SLC7A10: variants seen among roughly 807,000 people sequenced by gnomAD.
The protein encoded by SLC7A10 is solute carrier family 7 member 10.
SLC7A10 carries 30 observed loss-of-function variants against 52.7 expected under a neutral mutation model. That is an observed-to-expected ratio of 0.57 (90% CI 0.43 to 0.77). The LOEUF is 0.77. SLC7A10 is among the 30% of genes least tolerant of loss of function. SLC7A10 has a pLI of 0.00. For synonymous variants in SLC7A10, 318 were observed against 314.9 expected (o/e 1.01, Z -0.10); for missense variants, 581 against 698.5 (o/e 0.83, Z 1.90).
At position 33,222,455 on chromosome 19, in the gene SLC7A10, A is replaced by AAAAT. The variant is rs1395889479; in HGVS notation, c.151+3094_151+3097dup. 3.3e-3 allele frequency among the ~76,000 whole-genome samples: 430 copies of AAAAT among 132,302 alleles called. 4 individuals carry two copies. The highest frequency in any genetic ancestry group is 0.011 in the African/African-American group (382 of 34,960). The allele number at this position is 132,302 out of a possible 152,430, so 86.8% of individuals were successfully genotyped here. ...TAAAATAAAATAAAATAAATAAAAT[A>AAAAT]AAATAAAATAAATAAAATAAAATAA... On this transcript the variant is annotated intron_variant, in intron 1 of 10. Coordinates refer to ENST00000253188, the MANE Select transcript of SLC7A10 (RefSeq NM_019849.3).
chr19:33,210,713 A>T lies in SLC7A10; in HGVS notation c.1113+89T>A, dbSNP rs1234207923. 4.4e-6 allele frequency: 7 copies of T among 1,608,288 alleles called. No individual in the cohort carries two copies. The African/African-American group carries it at 8.0e-5, about 18-fold the overall frequency. On this transcript the variant is annotated intron_variant, in intron 8 of 10. Coordinates refer to ENST00000253188, the MANE Select transcript of SLC7A10 (RefSeq NM_019849.3). This position sits in a 1 kb window ranked among gnomAD's most constrained non-coding sequence, Gnocchi z 5.6. The stretch of plus-strand genomic sequence containing the variant: ...CCCCACCCCCAACCCCCACCCTGGA[A>T]TGGCTCACCCCTGCCATTACCCGGA...
chr19:33,209,526 C>G lies in SLC7A10; in HGVS notation c.1264-41G>C, dbSNP rs751670426. 4.4e-6 allele frequency: 7 copies of G among 1,606,672 alleles called. No individual in the cohort carries two copies. The East Asian group carries it at 1.6e-4, about 36-fold the overall frequency. Reference sequence around the variant, plus strand: ...CAGAAACACCGATGGTGCAGGGCCTCCAGCTGTCTGTACCCCCGACCCCTG... The same window carrying G: ...CAGAAACACCGATGGTGCAGGGCCTGCAGCTGTCTGTACCCCCGACCCCTG... On this transcript the variant is annotated intron_variant, in intron 9 of 10. Transcript: ENST00000253188.
intron 10 of SLC7A10, 58 bp downstream of exon 10, chr19:33,209,250 G>A: frequency 1.2e-6 from 2 of 1,606,922 alleles, no homozygotes; most frequent in Non-Finnish European, 1.7e-6. Flanking sequence ...CTAAGAGGGA[G>A]GTCTGGTCTC....
At chr19:33,219,422 G>A (rs1007261551) in intron 1 of SLC7A10, among the ~76,000 whole-genome samples, 2 of 152,224 alleles carry the variant, frequency 1.3e-5, no homozygotes, top group Admixed American at 6.5e-5. Context: ...AGGTCGAGTC[G>A]CAGAGTGAGC....
At chr19:33,216,684 C>T (rs922450843) in intron 1 of SLC7A10, among the ~76,000 whole-genome samples, 1 of 152,156 alleles carries the variant, frequency 6.6e-6, no homozygotes, top group Non-Finnish European at 1.5e-5. Flanking sequence ...AAGCAATTCT[C>T]CTGCCTCAGC....
At chr19:33,215,651 T>TCCAGCCCCCACACCTTCTCTCCAC in intron 2 of SLC7A10, 118 bp downstream of exon 2, 1 of 599,324 alleles carries the variant, frequency 1.7e-6, no homozygotes, top group Non-Finnish European at 2.3e-6. Context: ...CTTCTCTCCA[T>TCCAGCCCCCACACCTTCTCTCCAC]CCACCCCCAC....
rs1348624845 is a variant in SLC7A10 at position 33,210,718 on chromosome 19, TCACC to T, written c.1113+80_1113+83del. On this transcript the variant is annotated intron_variant, in intron 8 of 10. Coordinates refer to ENST00000253188, the MANE Select transcript of SLC7A10 (RefSeq NM_019849.3). This position sits in a 1 kb window ranked among gnomAD's most constrained non-coding sequence, Gnocchi z 5.6. ...CCCCCAACCCCCACCCTGGAATGGC[TCACC>T]CCTGCCATTACCCGGAAGGTCCTGC... 7 of 1,600,740 alleles carry T rather than the reference TCACC, an allele frequency of 4.4e-6. No homozygotes were observed. In the African/African-American group the frequency reaches 8.1e-5, roughly 18 times the overall value.
In SLC7A10 at chr19:33,217,155, G is replaced by A. The variant is rs545444090; in HGVS notation, c.152-1182C>T. On this transcript the variant is annotated intron_variant, in intron 1 of 10. Transcript: ENST00000253188. Reference sequence around the variant, plus strand: ...GATTCCCAAAGTGCTAGGATTACAGGTGAGTGCCACCACACCCGGCTAATC... The same window carrying A: ...GATTCCCAAAGTGCTAGGATTACAGATGAGTGCCACCACACCCGGCTAATC... 1.5e-4 allele frequency among the ~76,000 whole-genome samples: 23 copies of A among 151,872 alleles called. No individual in the cohort carries two copies. In the East Asian group the frequency reaches 4.1e-3, roughly 27 times the overall value.
chr19:33,225,461 C>T (rs2145499001), intron 1 of SLC7A10, 92 bp downstream of exon 1: 2 of 1,491,778 alleles, frequency 1.3e-6, no homozygotes, highest in Non-Finnish European at 1.8e-6. Context: ...CAGACCCGTC[C>T]GAGCGCCCGG....
At position 33,212,594 on chromosome 19, in the gene SLC7A10, C is replaced by A. The variant is rs147450851; in HGVS notation, c.554G>T (p.Arg185Leu). The A allele has an allele frequency of 3.7e-6, 6 of 1,613,940 alleles. No homozygotes were observed. The Admixed American group carries it at 1.0e-4, about 27-fold the overall frequency. ...VNSSSVRWAT[R>L]IQDMFTGGKL... ...CCCGCCTGTGAACATGTCCTGGATG[C>A]GCGTGGCCCAGCGCACACTGGAGCT... The change falls in exon 4 of 11, where the codon CGC (arginine) becomes CTC (leucine). Residue 185 changes from arginine (R) to leucine (L), a missense_variant. By Grantham distance (102) the Arg-to-Leu change is moderately radical (BLOSUM62 -2). Coordinates refer to ENST00000253188, the MANE Select transcript of SLC7A10 (RefSeq NM_019849.3).
At chr19:33,214,280 G>A (rs1974621934) in intron 2 of SLC7A10, among the ~76,000 whole-genome samples, 1 of 152,040 alleles carries the variant, frequency 6.6e-6, no homozygotes, top group Non-Finnish European at 1.5e-5. Flanking sequence ...CCAGTTAAGG[G>A]TCCCCGGCCC....
rs148067937 is a variant in SLC7A10, at chr19:33,211,527, G to A, written c.799C>T (p.Arg267Cys). 41 of 1,614,124 alleles carry A rather than the reference G, an allele frequency of 2.5e-5. No homozygotes were observed. The African/African-American group carries it at 3.6e-4, about 14-fold the overall frequency. Residue 267 changes from arginine (R) to cysteine (C), a missense_variant, in exon 6 of 11, where the codon CGC becomes TGC. Coordinates refer to ENST00000253188, the MANE Select transcript of SLC7A10 (RefSeq NM_019849.3). ...AGTGGGATGGAGATGAAGATGGCGC[G>A]AGGTAGGTTCCTGGTGACAGGCAGT... is the stretch of plus-strand genomic sequence containing the variant. ...EMVDARKNLP[R>C]AIFISIPLVT... is the part of the protein sequence containing the mutation.
chr19:33,216,035 T>C, intron 1 of SLC7A10, 62 bp from the exon 2 acceptor site: 8 of 1,405,278 alleles, frequency 5.7e-6, no homozygotes, highest in Non-Finnish European at 7.7e-6. Context: ...CGGCCTTCTG[T>C]GTGGGGATCT....
At chr19:33,212,699 C>G (rs1017205755) in intron 3 of SLC7A10, 60 bp from the exon 4 acceptor site, 23 of 1,612,376 alleles carry the variant, frequency 1.4e-5, no homozygotes, top group Non-Finnish European at 1.9e-5. Flanking sequence ...GGACCATGGC[C>G]AAGTCCAGCC....
chr19:33,211,222 C>T lies in SLC7A10; in HGVS notation c.1016+3G>A. Reference sequence around the variant, plus strand: ...CATGCCCACGTCTCCCCAGTGCAGTCACCTGGAGTAGGTGAACAGGTAACC... The same window carrying T: ...CATGCCCACGTCTCCCCAGTGCAGTTACCTGGAGTAGGTGAACAGGTAACC... On this transcript the variant is annotated splice_donor_region_variant and intron_variant, in intron 7 of 10. Coordinates refer to ENST00000253188, the MANE Select transcript of SLC7A10 (RefSeq NM_019849.3). 1 of 1,613,426 alleles carries T rather than the reference C, an allele frequency of 6.2e-7. No individual in the cohort carries two copies. Among genetic ancestry groups the T allele is most frequent in the Non-Finnish European group, 8.5e-7 (1 of 1,179,604 alleles).
chr19:33,224,897 A>T (rs1237707150), intron 1 of SLC7A10, among the ~76,000 whole-genome samples: 1 of 152,078 alleles, frequency 6.6e-6, no homozygotes, highest in East Asian at 1.9e-4. Context: ...ATCCCAGCTC[A>T]GGGAGCAGCT....
intron 2 of SLC7A10, among the ~76,000 whole-genome samples, chr19:33,215,451 T>G (rs1974651160): frequency 1.3e-5 from 2 of 151,026 alleles, no homozygotes; most frequent in Admixed American, 6.6e-5. Context: ...AGGCAGGGGG[T>G]GGGGTTCAGA....
intron 1 of SLC7A10, among the ~76,000 whole-genome samples, chr19:33,218,865 G>A (rs1420024252): frequency 6.6e-6 from 1 of 150,972 alleles, no homozygotes; most frequent in African/African-American, 2.4e-5. Flanking sequence ...TCCCAGTGGT[G>A]TGGGAAGGTC....
rs912503224 is a variant in SLC7A10, at chr19:33,210,043, C to T, written c.1263+424G>A. Among the ~76,000 whole-genome samples, 10 of 151,838 alleles carry T rather than the reference C, an allele frequency of 6.6e-5. No homozygotes were observed. Among genetic ancestry groups the T allele is most frequent in the South Asian group, 2.1e-4 (1 of 4,808 alleles). ...GCAGCCTCAACCTCCCGGGCTCAAGCGATCCTCCCATTTCAGCCTCTCAAG... is the reference window on the plus strand; with the variant it reads ...GCAGCCTCAACCTCCCGGGCTCAAGTGATCCTCCCATTTCAGCCTCTCAAG... On this transcript the variant is annotated intron_variant, in intron 9 of 10. Transcript: ENST00000253188. The surrounding 1 kb of genome is among the most constrained non-coding windows in gnomAD (Gnocchi z 5.6).
Sources: gnomAD v4.1 joint callset for allele counts (sites outside exome capture counted in the v4.1 genomes callset) on GRCh38, gnomAD v4.1.1 for gene constraint, Gnocchi (gnomAD v3.1) non-coding constraint, MANE v1.5 for transcripts, NCBI Gene and HGNC (gene_info 2026-07-23, HGNC 2026-07-21) for gene names.